PGM2: variants seen among roughly 807,000 people sequenced by gnomAD.
PGM2 encodes the protein phosphopentomutase.
In PGM2, 57 loss-of-function variants were observed where a neutral mutation model predicts 74.6. That is an observed-to-expected ratio of 0.76 (90% CI 0.62 to 0.95). The LOEUF is 0.95. PGM2 is among the 40% of genes least tolerant of loss of function. PGM2 has a pLI of 0.00. For missense variants in PGM2, 706 were observed against 741.9 expected, an observed-to-expected ratio of 0.95 and a Z score of 0.56; for synonymous variants, 273 against 260.7, an observed-to-expected ratio of 1.05 and a Z score of -0.46.
intron 7 of PGM2, among the ~76,000 whole-genome samples, chr4:37,844,949 C>T (rs1454930549): frequency 1.5e-5 from 2 of 131,676 alleles, no homozygotes; most frequent in African/African-American, 5.8e-5. Context: ...GCCTGGGTGA[C>T]AGGGTGACAG....
chr4:37,854,927 G>A (rs11944713), intron 12 of PGM2, among the ~76,000 whole-genome samples: 58,191 of 151,994 alleles, frequency 0.38, 12,341 homozygotes, highest in Non-Finnish European at 0.49. Context: ...AATAAAAATT[G>A]TATACATTTA....
chr4:37,837,427 C>T, intron 3 of PGM2, 102 bp from the exon 4 acceptor site: 5 of 779,850 alleles, frequency 6.4e-6, no homozygotes, highest in Non-Finnish European at 1.2e-5. Flanking sequence ...CTGGATGCTG[C>T]ATTCACCCTA....
chr4:37,830,447 G>T (rs1725411375), intron 2 of PGM2, among the ~76,000 whole-genome samples: 1 of 152,158 alleles, frequency 6.6e-6, no homozygotes, highest in South Asian at 2.1e-4. Flanking sequence ...CAGTATAAAT[G>T]CACCAACTAA....
chr4:37,829,910 T>A, intron 1 of PGM2, 54 bp from the exon 2 acceptor site: 1 of 1,062,060 alleles, frequency 9.4e-7, no homozygotes, highest in Non-Finnish European at 1.3e-6. Flanking sequence ...TTTTTTTACA[T>A]TTCTGATTTT....
rs115063896 is a variant in PGM2, at chr4:37,851,849, C to T, written c.1602+1476C>T. On this transcript the variant is annotated intron_variant, in intron 12 of 13. Coordinates refer to ENST00000381967, the MANE Select transcript of PGM2 (RefSeq NM_018290.4). ...CACAGCTTTTGGTTAAATCAGATTC[C>T]GTGCTTTTGTTATTATGACTAGTAA... 1.3e-3 allele frequency among the ~76,000 whole-genome samples: 191 copies of T among 152,272 alleles called. 1 individual carries two copies. Among genetic ancestry groups the T allele is most frequent in the African/African-American group, 4.2e-3 (175 of 41,568 alleles).
At chr4:37,832,891 T>A (rs1725473140) in intron 2 of PGM2, among the ~76,000 whole-genome samples, 1 of 152,188 alleles carries the variant, frequency 6.6e-6, no homozygotes, top group Non-Finnish European at 1.5e-5. Flanking sequence ...CTTCCCCCAC[T>A]GAGTCTTTCA....
chr4:37,838,701 A>T (rs1027253634), intron 4 of PGM2, among the ~76,000 whole-genome samples: 7 of 152,192 alleles, frequency 4.6e-5, no homozygotes, highest in African/African-American at 1.4e-4. Flanking sequence ...TCATTGTTTG[A>T]TGGAAAAATT....
Position 37,847,095 on chromosome 4 carries a change from A to G in PGM2, c.1172A>G (p.Glu391Gly). The change falls in exon 9 of 14, where the codon GAA becomes GGA. Residue 391 changes from glutamate (E) to glycine (G), a missense_variant. This residue lies in a region of PGM2 where 359 missense variants were observed against 371.1 expected (regional missense o/e 0.97). Coordinates refer to ENST00000381967, the MANE Select transcript of PGM2 (RefSeq NM_018290.4). The stretch of plus-strand genomic sequence containing the variant: ...ATCTTGCGGGCCATTGCCTTAAAGG[A>G]AGGTTTTCATTTTGAGGTAGGGTGT... ...SKILRAIALK[E>G]GFHFEETLTG... 1 of 1,613,156 alleles carries G rather than the reference A, an allele frequency of 6.2e-7. No homozygotes were observed. The highest frequency in any genetic ancestry group is 8.5e-7 in the Non-Finnish European group (1 of 1,179,392).
At position 37,839,878 on chromosome 4, in the gene PGM2, G is replaced by T. The variant is rs1488594989; in HGVS notation, c.472G>T (p.Ala158Ser). ...CACAGTATCACATTTGAAACTTTGT[G>T]CTGGAATCATGATAACTGCATCTCA... ...PFTVSHLKLC[A>S]GIMITASHNP... Residue 158 changes from alanine (A) to serine (S), a missense_variant, in exon 5 of 14, where the codon GCT becomes TCT. By Grantham distance (99) the Ala-to-Ser change is moderately conservative. Transcript: ENST00000381967. 1 of 1,606,920 alleles carries T rather than the reference G, an allele frequency of 6.2e-7. No individual in the cohort carries two copies. The highest frequency in any genetic ancestry group is 8.5e-7 in the Non-Finnish European group (1 of 1,173,492).
intron 2 of PGM2, among the ~76,000 whole-genome samples, chr4:37,833,708 G>A (rs577546218): frequency 1.4e-4 from 21 of 152,184 alleles, no homozygotes; most frequent in African/African-American, 4.6e-4. Context: ...AAAATAATGC[G>A]TAAAACAGCA....
intron 3 of PGM2, among the ~76,000 whole-genome samples, chr4:37,837,122 C>T (rs1183406238): frequency 1.3e-5 from 2 of 152,174 alleles, no homozygotes; most frequent in African/African-American, 2.4e-5. Flanking sequence ...TAGCAACTCT[C>T]TCCATTTCCC....
rs1725816223 is a variant in PGM2, at chr4:37,844,567, T to G, written c.909+14T>G. Reference sequence around the variant, plus strand: ...AAAGGTGTCTTGGTAACCTAATTTTTTTTTAAATTATGAAATCTGCTTTTA... The same window carrying G: ...AAAGGTGTCTTGGTAACCTAATTTTGTTTTAAATTATGAAATCTGCTTTTA... On this transcript the variant is annotated intron_variant, in intron 7 of 13. Coordinates refer to ENST00000381967, the MANE Select transcript of PGM2 (RefSeq NM_018290.4). The G allele has an allele frequency of 6.6e-7, 1 of 1,519,302 alleles. No individual in the cohort carries two copies. Among genetic ancestry groups the G allele is most frequent in the African/African-American group, 1.4e-5 (1 of 71,546 alleles). The allele number at this position is 1,519,302 out of a possible 1,614,324, so 94.1% of individuals were successfully genotyped here.
chr4:37,838,055 A>G (rs1725615397), intron 4 of PGM2, among the ~76,000 whole-genome samples: 1 of 152,014 alleles, frequency 6.6e-6, no homozygotes. Flanking sequence ...TAATTTTTGC[A>G]TTTTTAGTAG....
intron 12 of PGM2, 136 bp from the exon 13 acceptor site, chr4:37,855,472 C>A: frequency 1.4e-6 from 1 of 708,524 alleles, no homozygotes; most frequent in Non-Finnish European, 2.3e-6. Flanking sequence ...AGTACATTTT[C>A]TGATTTCCTC....
Position 37,827,621 on chromosome 4 carries a change from G to A in PGM2, c.81+808G>A, listed in dbSNP as rs138366202. On this transcript the variant is annotated intron_variant, in intron 1 of 13. Coordinates refer to ENST00000381967, the MANE Select transcript of PGM2 (RefSeq NM_018290.4). ...AGAGAGTCAGTCCTTCCTTGGCTCCGAAGCGTTAAATTATTTATCCCTAAT... is the reference window on the plus strand; with the variant it reads ...AGAGAGTCAGTCCTTCCTTGGCTCCAAAGCGTTAAATTATTTATCCCTAAT... Among the ~76,000 whole-genome samples the A allele has an allele frequency of 2.0e-3, 300 of 152,108 alleles. 2 individuals carry two copies. The highest frequency in any genetic ancestry group is 6.9e-3 in the African/African-American group (287 of 41,476).
chr4:37,848,960 C>T (rs912004622), intron 11 of PGM2, among the ~76,000 whole-genome samples: 5 of 151,606 alleles, frequency 3.3e-5, no homozygotes, highest in Non-Finnish European at 1.5e-5. Flanking sequence ...ATCCCAGCTA[C>T]TCAGGAGGCT....
At chr4:37,841,158 T>TTGTGTGTG (rs34512739) in intron 6 of PGM2, among the ~76,000 whole-genome samples, 34,648 of 101,314 alleles carry the variant, frequency 0.34, 6,059 homozygotes, top group Non-Finnish European at 0.43. Flanking sequence ...ATAGGAATAT[T>TTGTGTGTG]TGTGTGTGTG....
chr4:37,861,684 T>A lies in PGM2; in HGVS notation c.*72T>A. 1.1e-6 allele frequency: 1 copy of A among 909,144 alleles called. No individual in the cohort carries two copies. Among genetic ancestry groups the A allele is most frequent in the Non-Finnish European group, 1.9e-6 (1 of 539,344 alleles). 56.3% of individuals were successfully genotyped at this position (909,144 alleles called of 1,614,324 possible). Reference sequence around the variant, plus strand: ...GGTTTAACTTGTTAAGCAATATTTTTAAGGGCCAAATGATTCAAAACATCA... The same window carrying A: ...GGTTTAACTTGTTAAGCAATATTTTAAAGGGCCAAATGATTCAAAACATCA... On this transcript the variant is annotated 3_prime_UTR_variant, in exon 14 of 14. Coordinates refer to ENST00000381967, the MANE Select transcript of PGM2 (RefSeq NM_018290.4).
rs1365994819 is a variant in PGM2, at chr4:37,850,269, T to G, written c.1498T>G (p.Tyr500Asp). Residue 500 changes from tyrosine to aspartate, a missense_variant, in exon 12 of 14, where the codon TAC (tyrosine) becomes GAC (aspartate). By Grantham distance (160) the Tyr-to-Asp change is radical. Transcript: ENST00000381967. ...GAAATTATTTGAAAACCTCAGAAAC[T>G]ACGATGGAAAAAATAATTATCCAAA... Reference protein sequence around the residue: ...IKKLFENLRNYDGKNNYPKAC... With the variant: ...IKKLFENLRNDDGKNNYPKAC... The G allele has an allele frequency of 6.3e-7, 1 of 1,586,762 alleles. No homozygotes were observed. Among genetic ancestry groups the G allele is most frequent in the Non-Finnish European group, 8.5e-7 (1 of 1,170,494 alleles).
Sources: allele counts gnomAD v4.1 joint callset (sites outside exome capture counted in the v4.1 genomes callset), GRCh38; gene constraint gnomAD v4.1.1; regional missense constraint gnomAD v4.1.1; transcripts MANE v1.5; gene names NCBI Gene and HGNC (gene_info 2026-07-23, HGNC 2026-07-21).